The following RALGAPA1 variants were observed in gnomAD, a reference collection of about 807,000 sequenced individuals.
RALGAPA1 encodes Ral GTPase activating protein catalytic subunit alpha 1.
RALGAPA1 carries 52 observed loss-of-function variants against 269.6 expected under a neutral mutation model. The observed-to-expected ratio is 0.19, with a 90% CI of 0.15 to 0.24. The LOEUF (loss-of-function observed/expected upper bound fraction) is 0.24. Ranked by LOEUF, RALGAPA1 falls within the 10% of genes least tolerant of loss-of-function variation. The pLI is 1.00. For missense variants in RALGAPA1, 1,917 were observed against 3,013.9 expected, an observed-to-expected ratio of 0.64 and a Z score of 8.52; for synonymous variants, 817 against 1,008.3, an observed-to-expected ratio of 0.81 and a Z score of 3.60.
intron 16 of RALGAPA1, among the ~76,000 whole-genome samples, chr14:35,713,968 G>A (rs112357955): frequency 6.6e-6 from 1 of 151,824 alleles, no homozygotes. Flanking sequence ...GGTGGCAGGC[G>A]CCTGTAATCC....
At chr14:35,609,783 G>A (rs752144556) in intron 35 of RALGAPA1, among the ~76,000 whole-genome samples, 3 of 151,612 alleles carry the variant, frequency 2.0e-5, no homozygotes, top group Non-Finnish European at 4.4e-5. Flanking sequence ...CCAGCTGGGT[G>A]TGATGGTGCA....
At chr14:35,716,990 C>T (rs2068888074) in intron 16 of RALGAPA1, among the ~76,000 whole-genome samples, 3 of 152,152 alleles carry the variant, frequency 2.0e-5, no homozygotes, top group Admixed American at 2.0e-4. Context: ...CAATCCTTTA[C>T]ACATTAATGT....
intron 16 of RALGAPA1, among the ~76,000 whole-genome samples, chr14:35,712,942 T>C (rs1245277504): frequency 6.6e-6 from 1 of 151,998 alleles, no homozygotes; most frequent in Non-Finnish European, 1.5e-5. Context: ...ATGTGGAAAG[T>C]AGAGAGCAAA....
chr14:35,795,208 G>T (rs187359213), intron 1 of RALGAPA1, among the ~76,000 whole-genome samples: 20 of 152,232 alleles, frequency 1.3e-4, no homozygotes, highest in African/African-American at 4.8e-4. Context: ...CTTCTAAGTC[G>T]TAGTGAGGAG....
At chr14:35,693,848 A>T (rs2066691166) in intron 17 of RALGAPA1, among the ~76,000 whole-genome samples, 1 of 152,048 alleles carries the variant, frequency 6.6e-6, no homozygotes, top group South Asian at 2.1e-4. Flanking sequence ...TTTCTAGATT[A>T]AAAAACCGGT....
At position 35,721,733 on chromosome 14, in the gene RALGAPA1, G is replaced by T; in HGVS notation, c.2221C>A (p.Pro741Thr). ...RQRSATTTGS[P>T]GTEKARSIVR... ...ATACTCCTCGCCTTTTCGGTTCCTG[G>T]AGAACCAGTGGTTGTTGCACTCCTC... Residue 741 changes from proline to threonine, a missense_variant, in exon 16 of 42, where the codon CCA becomes ACA. Pro to Thr is a conservative substitution (Grantham distance 38). Transcript: ENST00000680220. 1 of 1,613,644 alleles carries T rather than the reference G, an allele frequency of 6.2e-7. No individual in the cohort carries two copies. The highest frequency in any genetic ancestry group is 1.1e-5 in the South Asian group (1 of 91,040).
At chr14:35,615,430 G>A (rs928130380) in intron 35 of RALGAPA1, among the ~76,000 whole-genome samples, 4 of 152,064 alleles carry the variant, frequency 2.6e-5, no homozygotes, top group African/African-American at 4.8e-5. Flanking sequence ...ATTTTCTCCC[G>A]CCCTAGTCCT....
At chr14:35,575,882 C>T (rs942620431) in intron 37 of RALGAPA1, among the ~76,000 whole-genome samples, 3 of 152,186 alleles carry the variant, frequency 2.0e-5, no homozygotes, top group Non-Finnish European at 4.4e-5. Context: ...GCGTGAGCCA[C>T]CGTGCCTGGC....
At chr14:35,708,552 T>A (rs1048371237) in intron 16 of RALGAPA1, among the ~76,000 whole-genome samples, 1 of 152,106 alleles carries the variant, frequency 6.6e-6, no homozygotes, top group Non-Finnish European at 1.5e-5. Flanking sequence ...TACAATGAGA[T>A]AGCCCACCCC....
intron 39 of RALGAPA1, among the ~76,000 whole-genome samples, chr14:35,567,551 G>A (rs1183243629): frequency 1.3e-5 from 2 of 152,036 alleles, no homozygotes; most frequent in Non-Finnish European, 2.9e-5. Flanking sequence ...ACAAGGCAGA[G>A]CTTGAGTTAA....
At chr14:35,748,496 A>T (rs1308010476) in intron 10 of RALGAPA1, 89 bp downstream of exon 10, 4 of 1,422,868 alleles carry the variant, frequency 2.8e-6, no homozygotes, top group Non-Finnish European at 3.7e-6. Context: ...CTAAAGGTAC[A>T]CACCACTGTT....
intron 31 of RALGAPA1, among the ~76,000 whole-genome samples, chr14:35,638,943 A>G (rs28820957): frequency 0.12 from 18,315 of 152,054 alleles, 1,156 homozygotes; most frequent in South Asian, 0.13. Context: ...AAGAAAGAAA[A>G]AAAAAGAATA....
intron 20 of RALGAPA1, among the ~76,000 whole-genome samples, chr14:35,684,713 C>T (rs912574546): frequency 2.0e-5 from 3 of 152,074 alleles, no homozygotes; most frequent in South Asian, 4.1e-4. Flanking sequence ...CCCAGCTACT[C>T]GGAAGGCTGA....
intron 16 of RALGAPA1, among the ~76,000 whole-genome samples, chr14:35,714,516 A>G (rs942362879): frequency 6.6e-6 from 1 of 152,208 alleles, no homozygotes; most frequent in African/African-American, 2.4e-5. Context: ...AGTTAATGCA[A>G]TAACACCAGC....
intron 16 of RALGAPA1, among the ~76,000 whole-genome samples, chr14:35,714,199 T>C (rs1234295089): frequency 2.0e-5 from 3 of 152,104 alleles, no homozygotes; most frequent in Admixed American, 6.5e-5. Context: ...TTAAAGGAAC[T>C]GATTTCGAGA....
intron 26 of RALGAPA1, among the ~76,000 whole-genome samples, 161 bp from the exon 27 acceptor site, chr14:35,664,928 C>G (rs193112513): frequency 5.9e-5 from 9 of 152,322 alleles, no homozygotes; most frequent in Non-Finnish European, 1.0e-4. Flanking sequence ...TCCATTTATA[C>G]TTTCCACATA....
intron 22 of RALGAPA1, chr14:35,677,027 C>T (rs1006126908): frequency 5.3e-5 from 8 of 152,094 alleles, no homozygotes; most frequent in African/African-American, 1.7e-4. Flanking sequence ...TATATAATTA[C>T]AAGGCAATTG....
intron 26 of RALGAPA1, among the ~76,000 whole-genome samples, chr14:35,665,507 G>T (rs1267841374): frequency 2.0e-5 from 3 of 152,052 alleles, no homozygotes; most frequent in Non-Finnish European, 4.4e-5. Context: ...AAATCTATTA[G>T]AAATATAATA....
intron 35 of RALGAPA1, among the ~76,000 whole-genome samples, chr14:35,617,445 C>T (rs1278338685): frequency 2.0e-5 from 3 of 152,072 alleles, no homozygotes; most frequent in African/African-American, 7.2e-5. Flanking sequence ...TGGTGAAACC[C>T]CATTTCTACT....
Sources: gnomAD v4.1 joint callset for allele counts (sites outside exome capture counted in the v4.1 genomes callset) on GRCh38, gnomAD v4.1.1 for gene constraint, MANE v1.5 for transcripts, NCBI Gene and HGNC (gene_info 2026-07-23, HGNC 2026-07-21) for gene names.